ARHGEF28: variants seen among roughly 807,000 people sequenced by gnomAD.
ARHGEF28 encodes the protein Rho guanine nucleotide exchange factor 28.
Under a neutral mutation model 206.6 loss-of-function variants are expected in ARHGEF28, and 152 were observed. That is an observed-to-expected ratio of 0.74 (90% confidence interval 0.64 to 0.84). The LOEUF (loss-of-function observed/expected upper bound fraction) is 0.84, where lower values mean the gene tolerates loss of function less well. Ranked by LOEUF, ARHGEF28 falls within the 40% of genes least tolerant of loss-of-function variation. The pLI is 0.00. For synonymous variants in ARHGEF28, 763 were observed against 776.4 expected, an observed-to-expected ratio of 0.98 and a Z score of 0.29; for missense variants, 2,028 against 2,073.2, an observed-to-expected ratio of 0.98 and a Z score of 0.42.
chr5:73,914,368 A>G (rs1252978524), intron 35 of ARHGEF28, among the ~76,000 whole-genome samples: 1 of 149,054 alleles, frequency 6.7e-6, no homozygotes, highest in Non-Finnish European at 1.5e-5. Flanking sequence ...GCTGTCAATC[A>G]TTACACTATA....
intron 14 of ARHGEF28, among the ~76,000 whole-genome samples, chr5:73,856,196 C>T (rs1436898726): frequency 2.0e-5 from 3 of 152,086 alleles, no homozygotes; most frequent in South Asian, 2.1e-4. Context: ...TGGGAAATTT[C>T]GGATTCTATT....
chr5:73,735,212 CA>C (rs1561365948), intron 2 of ARHGEF28, among the ~76,000 whole-genome samples: 1 of 150,632 alleles, frequency 6.6e-6, no homozygotes. Context: ...TAAATTAATA[CA>C]TTTATTAATT....
chr5:73,764,795 C>G (rs1752807082), intron 4 of ARHGEF28, among the ~76,000 whole-genome samples: 1 of 152,156 alleles, frequency 6.6e-6, no homozygotes, highest in Non-Finnish European at 1.5e-5. Context: ...CCTGGACTCA[C>G]CAACCTCAGA....
chr5:73,717,754 C>CTT (rs1749673851), intron 2 of ARHGEF28, among the ~76,000 whole-genome samples: 1 of 152,092 alleles, frequency 6.6e-6, no homozygotes, highest in African/African-American at 2.4e-5. Context: ...GTGTATAAGC[C>CTT]TTTGAAAGAG....
chr5:73,857,898 T>A (rs1759149955), intron 15 of ARHGEF28, 119 bp downstream of exon 15: 1 of 1,394,030 alleles, frequency 7.2e-7, no homozygotes, highest in African/African-American at 1.5e-5. Context: ...TACACATATT[T>A]CTTATGGAAT....
chr5:73,831,656 ATTAAGT>A (rs141590392), intron 9 of ARHGEF28, among the ~76,000 whole-genome samples: 9,185 of 152,264 alleles, frequency 0.06, 429 homozygotes, highest in African/African-American at 0.12. Context: ...ATAAAGGGAA[ATTAAGT>A]TTAGTTATCA....
intron 10 of ARHGEF28, among the ~76,000 whole-genome samples, chr5:73,834,542 CTGTGTGTGTGTG>C (rs34258155): frequency 2.1e-3 from 309 of 146,318 alleles, no homozygotes; most frequent in Non-Finnish European, 3.5e-3. Flanking sequence ...AATAATATTC[CTGTGTGTGTGTG>C]TGTGTGTGTG....
At chr5:73,808,256 T>C (rs2931408) in intron 9 of ARHGEF28, among the ~76,000 whole-genome samples, 54 of 151,798 alleles carry the variant, frequency 3.6e-4, no homozygotes, top group African/African-American at 1.3e-3. Flanking sequence ...TGCTGGGGGT[T>C]GGGGGAGGTA....
chr5:73,626,879 A>C (rs1743044679), intron 1 of ARHGEF28, among the ~76,000 whole-genome samples: 1 of 152,240 alleles, frequency 6.6e-6, no homozygotes, highest in Non-Finnish European at 1.5e-5. Flanking sequence ...GGTCAGAATT[A>C]TGTGGGACTC....
In ARHGEF28 at chr5:73,648,689, T is replaced by C. The variant is rs558976569; in HGVS notation, c.-12+22367T>C. Among the ~76,000 whole-genome samples, 3 of 152,340 alleles carry C rather than the reference T, an allele frequency of 2.0e-5. No homozygotes were observed. In the East Asian group the frequency reaches 5.8e-4, roughly 29 times the overall value. Reference sequence around the variant, plus strand: ...CAGGTGGCTACAGGAATACCTTTCCTGGGCTGGCCCCTGAGATATCACAGC... The same window carrying C: ...CAGGTGGCTACAGGAATACCTTTCCCGGGCTGGCCCCTGAGATATCACAGC... On this transcript the variant is annotated intron_variant, in intron 1 of 35. Coordinates refer to ENST00000513042, the MANE Select transcript of ARHGEF28 (RefSeq NM_001177693.2).
chr5:73,890,804 T>C (rs1437764198), intron 26 of ARHGEF28, among the ~76,000 whole-genome samples: 2 of 152,218 alleles, frequency 1.3e-5, no homozygotes, highest in Non-Finnish European at 2.9e-5. Flanking sequence ...CTGTAAACAC[T>C]GGTGGAAGCC....
At chr5:73,639,395 C>A (rs1342289902) in intron 1 of ARHGEF28, among the ~76,000 whole-genome samples, 1 of 151,574 alleles carries the variant, frequency 6.6e-6, no homozygotes, top group Non-Finnish European at 1.5e-5. Context: ...CTGTTGAGAA[C>A]ATTCATATGT....
chr5:73,869,844 G>C (rs1364653649), intron 20 of ARHGEF28, among the ~76,000 whole-genome samples: 5 of 152,048 alleles, frequency 3.3e-5, no homozygotes, highest in African/African-American at 1.2e-4. Flanking sequence ...GGAGGCGGAG[G>C]TTGCAGTGAG....
intron 1 of ARHGEF28, among the ~76,000 whole-genome samples, chr5:73,677,172 A>G (rs1746751163): frequency 6.6e-6 from 1 of 152,166 alleles, no homozygotes; most frequent in African/African-American, 2.4e-5. Flanking sequence ...TTGCTTGCGT[A>G]AGCTTTATTT....
intron 2 of ARHGEF28, among the ~76,000 whole-genome samples, chr5:73,692,644 TG>T (rs1283006406): frequency 1.3e-5 from 2 of 152,214 alleles, no homozygotes; most frequent in East Asian, 3.9e-4. Flanking sequence ...TTCTGGATGT[TG>T]GTATAGCTTC....
At position 73,638,419 on chromosome 5, in the gene ARHGEF28, G is replaced by C. The variant is rs186885658; in HGVS notation, c.-12+12097G>C. On this transcript the variant is annotated intron_variant, in intron 1 of 35. Transcript: ENST00000513042. Reference sequence around the variant, plus strand: ...TAGAATCCTGGAAATGTTTGATAAAGGTCTTGATGTTGTTCTTGATATGTC... The same window carrying C: ...TAGAATCCTGGAAATGTTTGATAAACGTCTTGATGTTGTTCTTGATATGTC... Among the ~76,000 whole-genome samples, 257 of 152,272 alleles carry C rather than the reference G, an allele frequency of 1.7e-3. 4 individuals carry two copies. Among genetic ancestry groups the C allele is most frequent in the Admixed American group, 5.9e-4 (9 of 15,296 alleles).
intron 9 of ARHGEF28, among the ~76,000 whole-genome samples, chr5:73,814,123 T>A (rs144612424): frequency 6.6e-5 from 10 of 152,116 alleles, no homozygotes; most frequent in African/African-American, 9.6e-5. Flanking sequence ...TTTAAAAAAA[T>A]TTTTGTAATT....
At chr5:73,780,281 C>A in intron 6 of ARHGEF28, 1 of 180,130 alleles carries the variant, frequency 5.6e-6, no homozygotes, top group Non-Finnish European at 1.2e-5. Context: ...CTCACCTGGT[C>A]CTCTGAGATT....
chr5:73,848,440 G>A, intron 12 of ARHGEF28, among the ~76,000 whole-genome samples: 1 of 152,108 alleles, frequency 6.6e-6, no homozygotes, highest in Non-Finnish European at 1.5e-5. Flanking sequence ...CAGATTGGAA[G>A]GATTTGTATA....
Sources: allele counts gnomAD v4.1 joint callset (sites outside exome capture counted in the v4.1 genomes callset), GRCh38; gene constraint gnomAD v4.1.1; transcripts MANE v1.5; gene names NCBI Gene and HGNC (gene_info 2026-07-23, HGNC 2026-07-21).